KCNIP1: variants seen among roughly 807,000 people sequenced by gnomAD.
KCNIP1 encodes potassium voltage-gated channel interacting protein 1, also known as A-type potassium channel modulatory protein KCNIP1.
Under a neutral mutation model 33.0 loss-of-function variants are expected in KCNIP1, and 18 were observed. The observed-to-expected ratio is 0.55, with a 90% CI of 0.38 to 0.81. The LOEUF is 0.81. Ranked by LOEUF, KCNIP1 falls within the 30% of genes least tolerant of loss-of-function variation. The pLI, the probability that KCNIP1 is intolerant of heterozygous loss-of-function variation, is 0.00. For synonymous variants in KCNIP1, 93 were observed against 98.3 expected (o/e 0.95, Z 0.32); for missense variants, 238 against 271.6 (o/e 0.88, Z 0.87).
rs144843081 is a variant in KCNIP1, at chr5:170,491,839, G to A, written c.88+137875G>A. On this transcript the variant is annotated intron_variant, in intron 1 of 7. Coordinates refer to the KCNIP1 transcript ENST00000377360. ...CTCTGTCACTGTCTCTCTGTGCTTT[G>A]CTAAACAGACTTCGCCCCTCCGTGG... Among the ~76,000 whole-genome samples the A allele has an allele frequency of 7.9e-3, 1,196 of 152,276 alleles. 20 individuals carry two copies. The highest frequency in any genetic ancestry group is 0.026 in the African/African-American group (1,094 of 41,544).
intron 1 of KCNIP1, among the ~76,000 whole-genome samples, chr5:170,409,551 A>T (rs928580516): frequency 6.6e-6 from 1 of 152,144 alleles, no homozygotes; most frequent in African/African-American, 2.4e-5. Context: ...CAGGCTCTTG[A>T]GGCAGTCTGG....
Position 170,641,505 on chromosome 5 carries a change from C to A in KCNIP1, c.62-77253C>A, listed in dbSNP as rs1002532598. 3.3e-5 allele frequency among the ~76,000 whole-genome samples: 5 copies of A among 152,358 alleles called. No individual in the cohort carries two copies. In the East Asian group the frequency reaches 5.8e-4, roughly 18 times the overall value. On this transcript the variant is annotated intron_variant, in intron 1 of 7. Transcript: ENST00000328939. ...GTCGGGAGGGTTGTGTGATGACACA[C>A]TTGGCAGTTTGGGAGCAAAAGCCGC... is the stretch of plus-strand genomic sequence containing the variant.
intron 1 of KCNIP1, among the ~76,000 whole-genome samples, chr5:170,593,116 G>T (rs951169906): frequency 6.6e-6 from 1 of 152,092 alleles, no homozygotes; most frequent in Admixed American, 6.5e-5. Flanking sequence ...ACTTAATTTC[G>T]ACTCTCTATG....
intron 1 of KCNIP1, among the ~76,000 whole-genome samples, chr5:170,596,483 T>C (rs1379490717): frequency 6.6e-6 from 1 of 152,168 alleles, no homozygotes; most frequent in Non-Finnish European, 1.5e-5. Context: ...ACTGTATCCA[T>C]GAATCAGGAC....
intron 1 of KCNIP1, among the ~76,000 whole-genome samples, chr5:170,437,799 C>T (rs1254788970): frequency 6.6e-6 from 1 of 152,206 alleles, no homozygotes; most frequent in African/African-American, 2.4e-5. Flanking sequence ...GCAAGAAGAT[C>T]CCAAACCATC....
intron 1 of KCNIP1, among the ~76,000 whole-genome samples, chr5:170,469,351 C>T (rs1174321151): frequency 2.0e-5 from 3 of 152,140 alleles, no homozygotes; most frequent in South Asian, 2.1e-4. Flanking sequence ...ACCATGATCA[C>T]GCCCTGCACT....
chr5:170,416,005 G>T (rs1332970992), intron 1 of KCNIP1, among the ~76,000 whole-genome samples: 1 of 152,004 alleles, frequency 6.6e-6, no homozygotes, highest in East Asian at 1.9e-4. Context: ...ATTGGAGAAG[G>T]GTGCTCCAAG....
intron 1 of KCNIP1, among the ~76,000 whole-genome samples, chr5:170,543,362 G>A (rs1036000014): frequency 2.6e-5 from 4 of 152,130 alleles, no homozygotes; most frequent in Non-Finnish European, 5.9e-5. Flanking sequence ...GATAGTGAAG[G>A]AAAAAGGTTG....
chr5:170,674,976 T>C, intron 1 of KCNIP1, among the ~76,000 whole-genome samples: 1 of 41,182 alleles, frequency 2.4e-5, no homozygotes, highest in Non-Finnish European at 4.0e-5. Context: ...TTTTGTTTTG[T>C]TTTTTTTTTT....
At chr5:170,424,637 T>C (rs1424903247) in intron 1 of KCNIP1, among the ~76,000 whole-genome samples, 1 of 152,130 alleles carries the variant, frequency 6.6e-6, no homozygotes, top group Non-Finnish European at 1.5e-5. Flanking sequence ...CAAATCCCCA[T>C]CGTCTCTCCC....
intron 1 of KCNIP1, among the ~76,000 whole-genome samples, chr5:170,601,130 G>C (rs1289236291): frequency 1.3e-5 from 2 of 152,238 alleles, no homozygotes; most frequent in East Asian, 3.8e-4. Context: ...TTCCCTCTGT[G>C]TACAGAGCAG....
rs971413396 is a variant in KCNIP1 at position 170,450,541 on chromosome 5, G to A, written c.88+96577G>A. ...TATTACTCACCATAGGCTAAATTCC[G>A]CCCAGACTCCTCTGAAGGGCTTGCA... On this transcript the variant is annotated intron_variant, in intron 1 of 7. Coordinates refer to the KCNIP1 transcript ENST00000377360. 1.7e-4 allele frequency among the ~76,000 whole-genome samples: 26 copies of A among 151,902 alleles called. 1 individual carries two copies. The highest frequency in any genetic ancestry group is 3.3e-4 in the Admixed American group (5 of 15,252).
chr5:170,711,152 G>C (rs1441094343), intron 1 of KCNIP1, among the ~76,000 whole-genome samples: 1 of 152,150 alleles, frequency 6.6e-6, no homozygotes, highest in African/African-American at 2.4e-5. Flanking sequence ...ACAACTGGTT[G>C]AGTAACAACT....
chr5:170,716,097 G>A (rs760059366), intron 1 of KCNIP1, among the ~76,000 whole-genome samples: 112 of 152,340 alleles, frequency 7.4e-4, no homozygotes, highest in Admixed American at 2.6e-3. Flanking sequence ...TACAAAGAAA[G>A]GGAAGGGAGA....
chr5:170,485,172 T>C (rs1757062165), intron 1 of KCNIP1, among the ~76,000 whole-genome samples: 1 of 152,120 alleles, frequency 6.6e-6, no homozygotes, highest in Non-Finnish European at 1.5e-5. Flanking sequence ...GCTCCCGACC[T>C]CAGGTGATCT....
chr5:170,408,612 C>T (rs576299952), intron 1 of KCNIP1, among the ~76,000 whole-genome samples: 13 of 152,268 alleles, frequency 8.5e-5, no homozygotes, highest in South Asian at 2.1e-4. Flanking sequence ...CTATCCTTCT[C>T]GGGCGATGAG....
intron 1 of KCNIP1, among the ~76,000 whole-genome samples, chr5:170,602,791 G>T (rs879385514): frequency 1.3e-5 from 2 of 152,210 alleles, no homozygotes; most frequent in Non-Finnish European, 2.9e-5. Context: ...GGGGCCAGAT[G>T]AAAAAACCAG....
intron 1 of KCNIP1, among the ~76,000 whole-genome samples, chr5:170,355,203 G>T (rs577246069): frequency 2.0e-4 from 31 of 152,174 alleles, no homozygotes; most frequent in Non-Finnish European, 3.7e-4. Flanking sequence ...AGATACCCAG[G>T]TGGGCTGAGC....
rs1004354473 is a variant in KCNIP1 at position 170,429,048 on chromosome 5, G to A, written c.88+75084G>A. Among the ~76,000 whole-genome samples, 14 of 152,122 alleles carry A rather than the reference G, an allele frequency of 9.2e-5. No individual in the cohort carries two copies. The East Asian group carries it at 2.3e-3, about 25-fold the overall frequency. On this transcript the variant is annotated intron_variant, in intron 1 of 7. Transcript: ENST00000377360. ...AGAGGTTGCGGTGAGCCGAGATCGC[G>A]CCACTGCACTGCAGCCTGGGCAACA...
Sources: gnomAD v4.1 joint callset for allele counts (sites outside exome capture counted in the v4.1 genomes callset) on GRCh38, gnomAD v4.1.1 for gene constraint, MANE v1.5 for transcripts, NCBI Gene and HGNC (gene_info 2026-07-23, HGNC 2026-07-21) for gene names.